ARHGAP24: variants seen among roughly 807,000 people sequenced by gnomAD.
The protein encoded by ARHGAP24 is rho GTPase-activating protein 24.
Under a neutral mutation model 76.4 loss-of-function variants are expected in ARHGAP24, and 50 were observed. The ratio of observed to expected loss-of-function variants is 0.65; its 90% confidence interval spans 0.52 to 0.83. The LOEUF (loss-of-function observed/expected upper bound fraction) is 0.83, where lower values mean the gene tolerates loss of function less well. ARHGAP24 is among the 40% of genes least tolerant of loss of function. The pLI is 0.00. For synonymous variants in ARHGAP24, 345 were observed against 323.3 expected (o/e 1.07, Z -0.72); for missense variants, 930 against 914.2 (o/e 1.02, Z -0.22).
chr4:85,570,791 C>T (rs905555982), intron 2 of ARHGAP24, 70 bp downstream of exon 2: 19 of 1,558,754 alleles, frequency 1.2e-5, no homozygotes, highest in Middle Eastern at 2.2e-4. Flanking sequence ...TGCTAGAAAC[C>T]GATTGGGACT....
chr4:85,683,593 T>C (rs778591236), intron 2 of ARHGAP24, among the ~76,000 whole-genome samples: 6 of 152,220 alleles, frequency 3.9e-5, no homozygotes, highest in African/African-American at 2.4e-5. Flanking sequence ...TTAAAACATA[T>C]TAGATTTTTA....
rs1447746624 is a variant in ARHGAP24 at position 85,896,928 on chromosome 4, T to C, written c.269-26720T>C. On this transcript the variant is annotated intron_variant, in intron 3 of 9. Transcript: ENST00000395184. ...GTGAGCACTGGCTATAAAGTGTCAG[T>C]CTCTGACAAACATGGAGTTTGGTTT... 3.3e-5 allele frequency among the ~76,000 whole-genome samples: 5 copies of C among 152,182 alleles called. No individual in the cohort carries two copies. In the East Asian group the frequency reaches 9.6e-4, roughly 29 times the overall value.
intron 1 of ARHGAP24, among the ~76,000 whole-genome samples, chr4:85,510,484 C>A (rs1032863268): frequency 6.6e-5 from 10 of 151,392 alleles, no homozygotes; most frequent in Admixed American, 1.3e-4. Context: ...TGCCTTCTTC[C>A]CTTCTTTTTC....
chr4:85,812,974 T>C (rs1411647427), intron 3 of ARHGAP24, among the ~76,000 whole-genome samples: 1 of 152,170 alleles, frequency 6.6e-6, no homozygotes. Flanking sequence ...TTCTAACACT[T>C]TCACATTCCT....
At chr4:85,816,885 G>A (rs190333811) in intron 3 of ARHGAP24, among the ~76,000 whole-genome samples, 56 of 152,150 alleles carry the variant, frequency 3.7e-4, no homozygotes, top group African/African-American at 1.3e-3. Flanking sequence ...CCAACCCATG[G>A]TACAAAGGGT....
chr4:85,517,549 G>A (rs950503955), intron 1 of ARHGAP24, among the ~76,000 whole-genome samples: 7 of 152,132 alleles, frequency 4.6e-5, no homozygotes, highest in Middle Eastern at 3.4e-3. Flanking sequence ...AAGATTACAC[G>A]TTTTCTTATA....
At chr4:85,611,514 C>T (rs1199142984) in intron 2 of ARHGAP24, among the ~76,000 whole-genome samples, 1 of 152,062 alleles carries the variant, frequency 6.6e-6, no homozygotes, top group Non-Finnish European at 1.5e-5. Context: ...TTGTGTTTAG[C>T]ACTTTCTTTT....
intron 1 of ARHGAP24, among the ~76,000 whole-genome samples, chr4:85,547,107 C>T (rs1387840594): frequency 1.3e-5 from 2 of 152,116 alleles, no homozygotes; most frequent in African/African-American, 2.4e-5. Context: ...TTTATATTCA[C>T]ATTTCATCTA....
At chr4:85,868,115 A>C (rs1409290246) in intron 3 of ARHGAP24, among the ~76,000 whole-genome samples, 2 of 152,164 alleles carry the variant, frequency 1.3e-5, no homozygotes, top group East Asian at 3.9e-4. Flanking sequence ...TGAGGTATAC[A>C]TTAGTTCCGC....
chr4:85,826,317 G>A (rs1167170095), intron 3 of ARHGAP24, among the ~76,000 whole-genome samples: 1 of 152,154 alleles, frequency 6.6e-6, no homozygotes, highest in Non-Finnish European at 1.5e-5. Flanking sequence ...AAACACAGGA[G>A]TACAACAGGA....
intron 3 of ARHGAP24, among the ~76,000 whole-genome samples, chr4:85,804,558 A>G (rs1728712511): frequency 6.6e-6 from 1 of 152,164 alleles, no homozygotes; most frequent in Non-Finnish European, 1.5e-5. Flanking sequence ...TTTAAAGAAA[A>G]TACAGTGGAG....
At chr4:85,913,731 T>A (rs1185278730) in intron 3 of ARHGAP24, among the ~76,000 whole-genome samples, 1 of 152,180 alleles carries the variant, frequency 6.6e-6, no homozygotes, top group Non-Finnish European at 1.5e-5. Flanking sequence ...AGGGTTCTTG[T>A]AAAAACCAAA....
chr4:85,570,834 T>G, intron 2 of ARHGAP24, 113 bp downstream of exon 2: 1 of 1,198,310 alleles, frequency 8.3e-7, no homozygotes, highest in South Asian at 1.3e-5. Flanking sequence ...TCTCCTTCAG[T>G]TCATTGTCAT....
chr4:85,847,876 T>C (rs75584118), intron 3 of ARHGAP24, among the ~76,000 whole-genome samples: 1,884 of 152,236 alleles, frequency 0.012, 45 homozygotes, highest in African/African-American at 0.043. Flanking sequence ...TCCCCAAAAA[T>C]GAGCATTGTT....
At chr4:85,888,735 A>G (rs1733713848) in intron 3 of ARHGAP24, among the ~76,000 whole-genome samples, 1 of 152,102 alleles carries the variant, frequency 6.6e-6, no homozygotes, top group African/African-American at 2.4e-5. Flanking sequence ...TATTAAGCCT[A>G]GTACCCACTG....
chr4:85,955,241 G>A (rs1275229512), intron 5 of ARHGAP24, among the ~76,000 whole-genome samples: 1 of 87,940 alleles, frequency 1.1e-5, no homozygotes, highest in South Asian at 4.4e-4. Context: ...CCCCCACCCC[G>A]ACCCTCAGCA....
chr4:85,564,471 A>T (rs531644924), intron 1 of ARHGAP24, among the ~76,000 whole-genome samples: 2 of 151,930 alleles, frequency 1.3e-5, no homozygotes, highest in East Asian at 1.9e-4. Context: ...CAGCACACCA[A>T]CATGGCACAT....
chr4:85,475,414 T>A lies in ARHGAP24; in HGVS notation c.-166T>A, dbSNP rs1264727546. On this transcript the variant is annotated 5_prime_UTR_variant, in exon 1 of 10. Coordinates refer to ENST00000395184, the MANE Select transcript of ARHGAP24 (RefSeq NM_001025616.3). ...CCGCGCTGCGGAGCAGCCCAGTGCA[T>A]AGAGTTCAACACTTCCCCTTGTTGT... 6.6e-6 allele frequency: 1 copy of A among 152,664 alleles called. No homozygotes were observed. Among genetic ancestry groups the A allele is most frequent in the Non-Finnish European group, 1.5e-5 (1 of 68,090 alleles). The allele number at this position is 152,664 out of a possible 1,614,324, so 9.5% of individuals were successfully genotyped here. A position where few individuals can be genotyped will look rare whatever the true frequency, so the allele number is the denominator to read the frequency against.
chr4:85,845,897 TTC>T (rs1221831743), intron 3 of ARHGAP24, among the ~76,000 whole-genome samples: 1 of 152,130 alleles, frequency 6.6e-6, no homozygotes, highest in Non-Finnish European at 1.5e-5. Context: ...ATAATTTTTT[TTC>T]TTTTTCTTTT....
Sources: gnomAD v4.1 joint callset for allele counts (sites outside exome capture counted in the v4.1 genomes callset) on GRCh38, gnomAD v4.1.1 for gene constraint, MANE v1.5 for transcripts, NCBI Gene and HGNC (gene_info 2026-07-23, HGNC 2026-07-21) for gene names.